TMEM234: variants seen among roughly 807,000 people sequenced by gnomAD.
TMEM234 encodes the protein transmembrane protein 234, also known as chromosome 1 open reading frame 91.
Under a neutral mutation model 17.8 loss-of-function variants are expected in TMEM234, and 21 were observed. That is an observed-to-expected ratio of 1.18 (90% CI 0.84 to 1.70). TMEM234 has a LOEUF of 1.70. Among genes scored for constraint, TMEM234 ranks in the 40% most tolerant of loss-of-function variants. The pLI is 0.00. For missense variants in TMEM234, 137 were observed against 166.9 expected (o/e 0.82, Z 0.99); for synonymous variants, 83 against 73.5 (o/e 1.13, Z -0.66).
Position 32,216,266 on chromosome 1 carries a change from G to C in TMEM234, c.*587C>G, listed in dbSNP as rs1392813585. ...TGTGCTGGAGTCAGGTGGGGCTGGGGCTCACAGCTCTCTACCTGTTTAAGA... is the reference window on the plus strand; with the variant it reads ...TGTGCTGGAGTCAGGTGGGGCTGGGCCTCACAGCTCTCTACCTGTTTAAGA... On this transcript the variant is annotated 3_prime_UTR_variant, in exon 5 of 5. Transcript: ENST00000309777. 6.9e-7 allele frequency: 1 copy of C among 1,451,296 alleles called. No homozygotes were observed. Among genetic ancestry groups the C allele is most frequent in the Non-Finnish European group, 9.2e-7 (1 of 1,092,422 alleles). The allele number at this position is 1,451,296 out of a possible 1,614,324, so 89.9% of individuals were successfully genotyped here.
chr1:32,215,826 G>A, downstream of TMEM234: 1 of 1,552,916 alleles, frequency 6.4e-7, no homozygotes, highest in Admixed American at 2.0e-5. Context: ...AGTGGAAGAG[G>A]CCTTGTCCCT....
downstream of TMEM234, chr1:32,215,572 T>A (rs752233679): frequency 6.2e-7 from 1 of 1,603,276 alleles, no homozygotes. Flanking sequence ...AAACAGTATG[T>A]TGGGGTGGGA....
intron 2 of TMEM234, 132 bp from the exon 3 acceptor site, chr1:32,221,329 A>G (rs1638888615): frequency 1.4e-6 from 1 of 701,246 alleles, no homozygotes; most frequent in Non-Finnish European, 2.5e-6. Flanking sequence ...TAATCCCTCT[A>G]AGGAGGATCC....
At position 32,216,805 on chromosome 1, in the gene TMEM234, C is replaced by A; in HGVS notation, c.*48G>T. Reference sequence around the variant, plus strand: ...TCCGCTCACTGCCAGCACTTCATGGCCCAGGGGCTTCCTGGAGGCAGCAGA... The same window carrying A: ...TCCGCTCACTGCCAGCACTTCATGGACCAGGGGCTTCCTGGAGGCAGCAGA... On this transcript the variant is annotated 3_prime_UTR_variant, in exon 5 of 5. Transcript: ENST00000309777. 1 of 1,606,662 alleles carries A rather than the reference C, an allele frequency of 6.2e-7. No homozygotes were observed.
At chr1:32,217,147 G>T (rs1168411591) in intron 4 of TMEM234, 112 bp downstream of exon 4, 3 of 1,596,446 alleles carry the variant, frequency 1.9e-6, no homozygotes, top group African/African-American at 1.3e-5. Flanking sequence ...GGGCAGGATG[G>T]GAAAAGGCCG....
chr1:32,222,114 T>C (rs2124250953), intron 1 of TMEM234, 96 bp from the exon 2 acceptor site: 2 of 1,500,014 alleles, frequency 1.3e-6, no homozygotes, highest in African/African-American at 1.4e-5. Flanking sequence ...CCGCCCCCAC[T>C]TCCCTCCTTC....
chr1:32,215,594 C>G (rs1569782097), downstream of TMEM234: 5 of 1,549,888 alleles, frequency 3.2e-6, no homozygotes, highest in Non-Finnish European at 4.4e-6. Flanking sequence ...GAGCTCTGAG[C>G]TGGAAACTGG....
Position 32,216,483 on chromosome 1 carries a change from T to C in TMEM234, c.*370A>G. ...CTGGCTCAAAGTCTGCAGCTGGCCC[T>C]TTCCATGCAGCTGGAGTTCTGCAGT... On this transcript the variant is annotated 3_prime_UTR_variant, in exon 5 of 5. Coordinates refer to ENST00000309777, the MANE Select transcript of TMEM234 (RefSeq NM_019118.5). 6.4e-7 allele frequency: 1 copy of C among 1,551,750 alleles called. No homozygotes were observed. The highest frequency in any genetic ancestry group is 2.4e-5 in the East Asian group (1 of 40,926).
In TMEM234 at chr1:32,216,923, G is replaced by A. The variant is rs752631229; in HGVS notation, c.353C>T (p.Thr118Ile). ...GKRAVAGMVL[T>I]VIGISLCITS... ...GATGCAGAGTGAAATTCCTATCACG[G>A]TGAGCACCATGCCAGCAACTGCTCC... is the stretch of plus-strand genomic sequence containing the variant. The change falls in exon 5 of 5, where the codon ACC (threonine) becomes ATC (isoleucine). Residue 118 changes from threonine (T) to isoleucine (I), a missense_variant. Thr to Ile is a moderately conservative substitution (Grantham distance 89). Transcript: ENST00000309777. The A allele has an allele frequency of 6.2e-7, 1 of 1,614,198 alleles. No individual in the cohort carries two copies. The highest frequency in any genetic ancestry group is 8.5e-7 in the Non-Finnish European group (1 of 1,180,040).
At chr1:32,215,868 T>C, downstream of TMEM234, 1 of 1,552,132 alleles carries the variant, frequency 6.4e-7, no homozygotes, top group Non-Finnish European at 8.7e-7. Flanking sequence ...GGCTGCTATC[T>C]CAGCCTCAGC....
In TMEM234 at chr1:32,216,324, T is replaced by C. The variant is rs1408914942; in HGVS notation, c.*529A>G. 5.9e-6 allele frequency: 9 copies of C among 1,529,084 alleles called. No individual in the cohort carries two copies. Among genetic ancestry groups the C allele is most frequent in the Non-Finnish European group, 7.9e-6 (9 of 1,134,656 alleles). The allele number at this position is 1,529,084 out of a possible 1,614,324, so 94.7% of individuals were successfully genotyped here. On this transcript the variant is annotated 3_prime_UTR_variant, in exon 5 of 5. Coordinates refer to ENST00000309777, the MANE Select transcript of TMEM234 (RefSeq NM_019118.5). The stretch of plus-strand genomic sequence containing the variant: ...GCAGTGAGGATTTCTGCCTACCTCA[T>C]GGGTGGGGCAGGCAAGGCTAATAGA...
intron 1 of TMEM234, 127 bp from the exon 2 acceptor site, chr1:32,222,145 G>T: frequency 6.7e-7 from 1 of 1,502,412 alleles, no homozygotes; most frequent in South Asian, 1.3e-5. Context: ...CCTCGGCTGC[G>T]ACTGGCGGCT....
At chr1:32,218,862 T>C (rs1638646117) in intron 3 of TMEM234, among the ~76,000 whole-genome samples, 2 of 152,082 alleles carry the variant, frequency 1.3e-5, no homozygotes, top group South Asian at 4.1e-4. Flanking sequence ...TGCTTGAACC[T>C]GGTAGGCAGA....
At chr1:32,221,001 A>T in intron 3 of TMEM234, 130 bp downstream of exon 3, 1 of 683,204 alleles carries the variant, frequency 1.5e-6, no homozygotes. Flanking sequence ...GGATAGTAAG[A>T]GGGAACTAGA....
intron 3 of TMEM234, among the ~76,000 whole-genome samples, chr1:32,220,767 A>G (rs1402765578): frequency 1.3e-5 from 2 of 152,158 alleles, no homozygotes; most frequent in Non-Finnish European, 2.9e-5. Context: ...TCACAATGCT[A>G]TGAAGCCAAC....
chr1:32,214,767 C>T, downstream of TMEM234: 1 of 1,612,616 alleles, frequency 6.2e-7, no homozygotes, highest in African/African-American at 1.3e-5. Flanking sequence ...GGCCAGCAAT[C>T]AGGGTCCAAG....
intron 3 of TMEM234, 132 bp downstream of exon 3, chr1:32,220,999 A>G: frequency 1.5e-6 from 1 of 678,836 alleles, no homozygotes. Context: ...GAGGATAGTA[A>G]GAGGGAACTA....
downstream of TMEM234, chr1:32,215,110 TA>T (rs76434576): frequency 0.21 from 129,757 of 629,760 alleles, no homozygotes; most frequent in Middle Eastern, 0.26. Context: ...AGACTGCCCG[TA>T]AAAAAAAAAA....
At position 32,216,281 on chromosome 1, in the gene TMEM234, C is replaced by T; in HGVS notation, c.*572G>A. ...TGGGGCTGGGGCTCACAGCTCTCTA[C>T]CTGTTTAAGAGGGGCTGGCAGTGAG... On this transcript the variant is annotated 3_prime_UTR_variant, in exon 5 of 5. Transcript: ENST00000309777. The T allele has an allele frequency of 1.3e-6, 2 of 1,485,126 alleles. No individual in the cohort carries two copies. The highest frequency in any genetic ancestry group is 1.8e-6 in the Non-Finnish European group (2 of 1,114,418). The allele number at this position is 1,485,126 out of a possible 1,614,324, so 92.0% of individuals were successfully genotyped here.
Sources: allele counts gnomAD v4.1 joint callset (sites outside exome capture counted in the v4.1 genomes callset), GRCh38; gene constraint gnomAD v4.1.1; transcripts MANE v1.5; gene names NCBI Gene and HGNC (gene_info 2026-07-23, HGNC 2026-07-21).